FAM81A: variants seen among roughly 807,000 people sequenced by gnomAD.
FAM81A encodes the protein family with sequence similarity 81 member A.
A neutral mutation model predicts 46.7 loss-of-function variants in FAM81A; 19 were observed. The observed-to-expected ratio is 0.41, with a 90% CI of 0.28 to 0.60. The LOEUF (loss-of-function observed/expected upper bound fraction) is 0.60, where lower values mean the gene tolerates loss of function less well. FAM81A is among the 20% of genes least tolerant of loss of function. The pLI is 0.34. For synonymous variants in FAM81A, 183 were observed against 152.9 expected (o/e 1.20, Z -1.45); for missense variants, 377 against 453.5 (o/e 0.83, Z 1.53).
chr15:59,424,691 G>C (rs575527924), intron 2 of FAM81A, among the ~76,000 whole-genome samples: 1 of 152,280 alleles, frequency 6.6e-6, no homozygotes, highest in Admixed American at 6.5e-5. Flanking sequence ...AAAAATTCTT[G>C]ATTTCTCTTT....
At chr15:59,410,490 G>A (rs565730534) in intron 2 of FAM81A, among the ~76,000 whole-genome samples, 5 of 152,170 alleles carry the variant, frequency 3.3e-5, no homozygotes, top group African/African-American at 1.2e-4. Flanking sequence ...CTCACCTCTG[G>A]CTTCCTCCCT....
chr15:59,487,875 G>A (rs1222312700), intron 3 of FAM81A, among the ~76,000 whole-genome samples: 1 of 152,054 alleles, frequency 6.6e-6, no homozygotes, highest in Admixed American at 6.6e-5. Flanking sequence ...AGTAGAAGAG[G>A]AGGAAATACT....
chr15:59,475,916 T>G (rs189933919), intron 3 of FAM81A, among the ~76,000 whole-genome samples: 1 of 152,230 alleles, frequency 6.6e-6, no homozygotes, highest in African/African-American at 2.4e-5. Context: ...TGTCTTAGTT[T>G]AGGCTGCTAT....
chr15:59,479,519 GAAAAAAAAAA>G (rs57107735), intron 3 of FAM81A, among the ~76,000 whole-genome samples: 1 of 72,676 alleles, frequency 1.4e-5, no homozygotes, highest in Non-Finnish European at 2.4e-5. Flanking sequence ...TCAAAAATAA[GAAAAAAAAAA>G]AAAAAAAAAA....
intron 6 of FAM81A, among the ~76,000 whole-genome samples, chr15:59,513,857 A>T (rs1365117458): frequency 6.6e-6 from 1 of 152,038 alleles, no homozygotes; most frequent in Non-Finnish European, 1.5e-5. Context: ...CTAGATAAAG[A>T]AAATATGGTA....
intron 1 of FAM81A, among the ~76,000 whole-genome samples, chr15:59,454,689 A>G (rs1596483768): frequency 6.6e-6 from 1 of 152,214 alleles, no homozygotes; most frequent in East Asian, 1.9e-4. Context: ...GCAGTGGTGC[A>G]GTCATGGCTC....
chr15:59,403,001 G>C (rs1372410372), intron 2 of FAM81A, among the ~76,000 whole-genome samples: 1 of 151,994 alleles, frequency 6.6e-6, no homozygotes, highest in African/African-American at 2.4e-5. Flanking sequence ...GCATTTTCTA[G>C]TGGGTTATTG....
chr15:59,485,493 C>T (rs1054554046), intron 3 of FAM81A, among the ~76,000 whole-genome samples: 4 of 152,344 alleles, frequency 2.6e-5, no homozygotes, highest in Middle Eastern at 6.8e-3. Context: ...GAGAAATCTT[C>T]TGGATTTTAT....
In FAM81A at chr15:59,452,458, G is replaced by T. The variant is rs190698057; in HGVS notation, c.-77-6092G>T. ...GGCTGGGAGTTTGAGGCCAGCCTGG[G>T]CAATATAGTAAGACCTCATCTCTGT... On this transcript the variant is annotated intron_variant, in intron 1 of 8. Coordinates refer to ENST00000288228, the MANE Select transcript of FAM81A (RefSeq NM_152450.3). 2.0e-3 allele frequency among the ~76,000 whole-genome samples: 312 copies of T among 152,258 alleles called. 2 individuals carry two copies. The highest frequency in any genetic ancestry group is 7.2e-3 in the African/African-American group (300 of 41,548).
At chr15:59,452,961 C>A (rs1295073349) in intron 1 of FAM81A, among the ~76,000 whole-genome samples, 3 of 152,150 alleles carry the variant, frequency 2.0e-5, no homozygotes, top group African/African-American at 7.2e-5. Flanking sequence ...TAGGATTTTG[C>A]TGTGTTGCCC....
chr15:59,501,481 T>A (rs1258979321), intron 4 of FAM81A, among the ~76,000 whole-genome samples: 1 of 152,032 alleles, frequency 6.6e-6, no homozygotes, highest in Non-Finnish European at 1.5e-5. Context: ...ATATATATAA[T>A]AATTATGTAT....
chr15:59,450,625 C>G (rs1432419363), intron 1 of FAM81A, among the ~76,000 whole-genome samples: 2 of 151,914 alleles, frequency 1.3e-5, no homozygotes, highest in South Asian at 4.2e-4. Context: ...GGGATTTTAT[C>G]TCTTATGGCA....
At chr15:59,449,583 C>T (rs1208458234) in intron 1 of FAM81A, among the ~76,000 whole-genome samples, 1 of 151,978 alleles carries the variant, frequency 6.6e-6, no homozygotes, top group Non-Finnish European at 1.5e-5. Context: ...AGATCGAGAC[C>T]ATCCTGGCTA....
At chr15:59,477,110 A>G (rs186674026) in intron 3 of FAM81A, among the ~76,000 whole-genome samples, 1 of 151,248 alleles carries the variant, frequency 6.6e-6, no homozygotes, top group Admixed American at 6.6e-5. Flanking sequence ...ACAGAGTGAG[A>G]CTCTGACTCA....
At chr15:59,410,700 CA>C (rs1364430023) in intron 2 of FAM81A, among the ~76,000 whole-genome samples, 1 of 152,210 alleles carries the variant, frequency 6.6e-6, no homozygotes, top group Non-Finnish European at 1.5e-5. Context: ...TGCATTTGAA[CA>C]ATGTTGTATT....
chr15:59,411,998 A>C (rs1486024418), intron 2 of FAM81A, among the ~76,000 whole-genome samples: 2 of 151,814 alleles, frequency 1.3e-5, no homozygotes, highest in African/African-American at 2.4e-5. Flanking sequence ...AAACAAACAA[A>C]AAAAAAAAAC....
chr15:59,516,940 T>A, intron 8 of FAM81A, 100 bp downstream of exon 8: 1 of 1,113,978 alleles, frequency 9.0e-7, no homozygotes, highest in Non-Finnish European at 1.2e-6. Context: ...TGGCTAATGG[T>A]AATAACCGTG....
chr15:59,494,006 T>C (rs1176131671), intron 4 of FAM81A, among the ~76,000 whole-genome samples: 1 of 152,212 alleles, frequency 6.6e-6, no homozygotes, highest in Non-Finnish European at 1.5e-5. Flanking sequence ...ACTGCTCTAT[T>C]GAGTCTCTCC....
At chr15:59,501,507 A>C (rs2082090498) in intron 4 of FAM81A, among the ~76,000 whole-genome samples, 1 of 152,138 alleles carries the variant, frequency 6.6e-6, no homozygotes, top group African/African-American at 2.4e-5. Flanking sequence ...CAAAAATTAC[A>C]ATAATATGGA....
Sources: gnomAD v4.1 joint callset for allele counts (sites outside exome capture counted in the v4.1 genomes callset) on GRCh38, gnomAD v4.1.1 for gene constraint, MANE v1.5 for transcripts, NCBI Gene and HGNC (gene_info 2026-07-23, HGNC 2026-07-21) for gene names.